Variants in PAK2 observed in about 807,000 individuals in gnomAD.
PAK2 encodes serine/threonine-protein kinase PAK 2.
In PAK2, 21 loss-of-function variants were observed where a neutral mutation model predicts 65.9. The observed-to-expected ratio is 0.32, with a 90% CI of 0.23 to 0.46. The LOEUF (loss-of-function observed/expected upper bound fraction) is 0.46, where lower values mean the gene tolerates loss of function less well. Among genes scored for constraint, PAK2 ranks in the 20% least tolerant of loss-of-function variants. The pLI is 1.00. For synonymous variants in PAK2, 204 were observed against 219.7 expected, an observed-to-expected ratio of 0.93 and a Z score of 0.63; for missense variants, 324 against 642.6, an observed-to-expected ratio of 0.50 and a Z score of 5.36.
rs545046123 is a variant in PAK2, at chr3:196,820,132, AATT to A, written c.1154-235_1154-233del. On this transcript the variant is annotated intron_variant, in intron 12 of 14. Transcript: ENST00000327134. This position sits in a 1 kb window ranked among gnomAD's most constrained non-coding sequence, Gnocchi z 4.6. ...TTATTAAATTTTTTAGGATAGAATGAATTATTCAGAATAAAAGGCCTCCTGATA... is the reference window on the plus strand; with the variant it reads ...TTATTAAATTTTTTAGGATAGAATGAATTCAGAATAAAAGGCCTCCTGATA... Among the ~76,000 whole-genome samples, 1,153 of 152,314 alleles carry A rather than the reference AATT, an allele frequency of 7.6e-3. 6 individuals are homozygous for A. Among genetic ancestry groups the A allele is most frequent in the Middle Eastern group, 0.02 (6 of 294 alleles).
At chr3:196,763,074 C>G (rs1406380855) in intron 1 of PAK2, among the ~76,000 whole-genome samples, 2 of 152,174 alleles carry the variant, frequency 1.3e-5, no homozygotes, top group African/African-American at 4.8e-5. Context: ...CCCCCCACCC[C>G]CTGCCTGGGA....
Position 196,831,353 on chromosome 3 carries a change from C to T in PAK2, c.*2948C>T, listed in dbSNP as rs1272692257. The T allele has an allele frequency of 6.6e-6, 1 of 152,104 alleles. No homozygotes were observed. Among genetic ancestry groups the T allele is most frequent in the East Asian group, 1.9e-4 (1 of 5,200 alleles). The allele number at this position is 152,104 out of a possible 1,614,324, so 9.4% of individuals were successfully genotyped here. On this transcript the variant is annotated 3_prime_UTR_variant, in exon 15 of 15. Coordinates refer to ENST00000327134, the MANE Select transcript of PAK2 (RefSeq NM_002577.4). ...TATTTTAGATTTAAAGTTATCTTCTCTTTTTCTTTTTTCTTCTGCTGCTTT... is the reference window on the plus strand; with the variant it reads ...TATTTTAGATTTAAAGTTATCTTCTTTTTTTCTTTTTTCTTCTGCTGCTTT...
intron 1 of PAK2, among the ~76,000 whole-genome samples, chr3:196,749,122 C>T (rs1395114615): frequency 6.6e-6 from 1 of 151,446 alleles, no homozygotes. Flanking sequence ...TGTGTATTTA[C>T]CTTATTCTGC....
At chr3:196,813,515 A>T (rs1323256025) in intron 10 of PAK2, among the ~76,000 whole-genome samples, 6 of 151,934 alleles carry the variant, frequency 3.9e-5, no homozygotes, top group Non-Finnish European at 8.8e-5. Flanking sequence ...ATGAGAGAAG[A>T]TTCGTTGAAA....
intron 2 of PAK2, among the ~76,000 whole-genome samples, chr3:196,792,338 T>C (rs7646247): frequency 0.81 from 123,235 of 152,216 alleles, 50,159 homozygotes; most frequent in Admixed American, 0.87. Flanking sequence ...CATAAAGAAA[T>C]GTTGAGTGCA....
chr3:196,770,685 C>G (rs2686588), intron 1 of PAK2, among the ~76,000 whole-genome samples: 71,690 of 151,792 alleles, frequency 0.47, 17,719 homozygotes, highest in Non-Finnish European at 0.54. Context: ...TGCAGTGGCA[C>G]CATCTCGGCT....
chr3:196,759,506 T>TGTTTTTTTTG (rs368450602), intron 1 of PAK2, among the ~76,000 whole-genome samples: 1 of 26,094 alleles, frequency 3.8e-5, no homozygotes, highest in Non-Finnish European at 8.5e-5. Flanking sequence ...TTGTTTTTTT[T>TGTTTTTTTTG]TTTTTTTTTT....
intron 4 of PAK2, among the ~76,000 whole-genome samples, chr3:196,803,490 A>G (rs1698005194): frequency 6.6e-6 from 1 of 152,188 alleles, no homozygotes; most frequent in South Asian, 2.1e-4. Flanking sequence ...CCAGCAATCA[A>G]AGGAAAAGAC....
intron 2 of PAK2, among the ~76,000 whole-genome samples, chr3:196,784,269 A>G (rs1325694402): frequency 1.6e-5 from 2 of 125,688 alleles, no homozygotes; most frequent in African/African-American, 6.2e-5. Context: ...GTACATGTGC[A>G]CATTGTGCAG....
intron 1 of PAK2, among the ~76,000 whole-genome samples, chr3:196,745,121 T>G (rs963290677): frequency 9.8e-5 from 3 of 30,766 alleles, no homozygotes; most frequent in African/African-American, 2.2e-4. Flanking sequence ...GTTTCAATCT[T>G]TTTTTTTTTT....
intron 13 of PAK2, among the ~76,000 whole-genome samples, chr3:196,821,678 G>A (rs577342089): frequency 1.2e-4 from 18 of 152,206 alleles, no homozygotes; most frequent in East Asian, 7.7e-4. Flanking sequence ...GCGAAACTCC[G>A]TCTCCATAAA....
intron 1 of PAK2, among the ~76,000 whole-genome samples, chr3:196,766,299 A>C (rs1454427657): frequency 6.6e-6 from 1 of 152,198 alleles, no homozygotes; most frequent in African/African-American, 2.4e-5. Context: ...GTAGCTGACA[A>C]TAGAGGCATA....
chr3:196,780,991 T>C (rs959428798), intron 1 of PAK2, among the ~76,000 whole-genome samples: 22 of 152,262 alleles, frequency 1.4e-4, no homozygotes, highest in African/African-American at 4.3e-4. Flanking sequence ...GGTTTCACCA[T>C]GTTAGCCAGG....
intron 6 of PAK2, 25 bp from the exon 7 acceptor site, chr3:196,807,757 T>G: frequency 7.3e-7 from 1 of 1,376,226 alleles, no homozygotes; most frequent in South Asian, 1.2e-5. Context: ...TCCTCAAACC[T>G]TGGTAATGAA....
At position 196,740,721 on chromosome 3, in the gene PAK2, C is replaced by T. The variant is rs116332978; in HGVS notation, c.-22+564C>T. Among the ~76,000 whole-genome samples, 287 of 152,272 alleles carry T rather than the reference C, an allele frequency of 1.9e-3. 3 individuals carry two copies. Among genetic ancestry groups the T allele is most frequent in the African/African-American group, 6.3e-3 (261 of 41,546 alleles). ...AGCGTCCCGGGCGCTTGAGGGCCAC[C>T]GCTTACGAACTGATCTTTCGGAGCT... is the stretch of plus-strand genomic sequence containing the variant. On this transcript the variant is annotated intron_variant, in intron 1 of 14. Transcript: ENST00000327134.
intron 1 of PAK2, among the ~76,000 whole-genome samples, chr3:196,769,332 A>G (rs1157201224): frequency 4.6e-5 from 7 of 151,948 alleles, no homozygotes; most frequent in Non-Finnish European, 8.8e-5. Flanking sequence ...TAATATAAAT[A>G]AAAATTCAGA....
chr3:196,767,281 T>G (rs558404258), intron 1 of PAK2, among the ~76,000 whole-genome samples: 2 of 152,210 alleles, frequency 1.3e-5, no homozygotes, highest in South Asian at 4.1e-4. Flanking sequence ...TTTGGATAGA[T>G]TTTTAGAAAC....
intron 1 of PAK2, among the ~76,000 whole-genome samples, chr3:196,759,489 GTTTTTTTTGTTTTTTTTTTTTTTTTTT>G (rs1713879192): frequency 3.0e-5 from 3 of 98,854 alleles, no homozygotes; most frequent in African/African-American, 4.3e-5. Context: ...CAGTTAAGTG[GTTTTTTTTGTTTTTTTTTTTTTTTTTT>G]TTTTTTTTTT....
chr3:196,805,045 G>A (rs909218301), intron 4 of PAK2, among the ~76,000 whole-genome samples: 9 of 151,816 alleles, frequency 5.9e-5, no homozygotes, highest in Non-Finnish European at 1.3e-4. Context: ...AGATTGATAG[G>A]TATACTTTCA....
Sources: allele counts gnomAD v4.1 joint callset (sites outside exome capture counted in the v4.1 genomes callset), GRCh38; gene constraint gnomAD v4.1.1; non-coding constraint Gnocchi (gnomAD v3.1); transcripts MANE v1.5; gene names NCBI Gene and HGNC (gene_info 2026-07-23, HGNC 2026-07-21).